MTHFD1L: variants seen among roughly 807,000 people sequenced by gnomAD.
MTHFD1L encodes monofunctional C1-tetrahydrofolate synthase, mitochondrial.
MTHFD1L carries 81 observed loss-of-function variants against 119.5 expected under a neutral mutation model. The observed-to-expected ratio is 0.68, with a 90% CI of 0.57 to 0.82. The LOEUF (loss-of-function observed/expected upper bound fraction) is 0.82. Ranked by LOEUF, MTHFD1L falls within the 40% of genes least tolerant of loss-of-function variation. The pLI, the probability that MTHFD1L is intolerant of heterozygous loss-of-function variation, is 0.00. For synonymous variants in MTHFD1L, 430 were observed against 475.2 expected (o/e 0.90, Z 1.24); for missense variants, 1,125 against 1,253.4 (o/e 0.90, Z 1.55).
At chr6:151,002,670 G>A (rs950044219) in intron 20 of MTHFD1L, among the ~76,000 whole-genome samples, 2 of 152,314 alleles carry the variant, frequency 1.3e-5, no homozygotes, top group Non-Finnish European at 2.9e-5. Context: ...CACGCTGGAC[G>A]GAATTTTTAC....
chr6:150,878,395 G>A (rs749686598), intron 4 of MTHFD1L, among the ~76,000 whole-genome samples: 1 of 152,130 alleles, frequency 6.6e-6, no homozygotes, highest in Non-Finnish European at 1.5e-5. Flanking sequence ...GAGATTACAG[G>A]TGCGTGCCAC....
intron 24 of MTHFD1L, among the ~76,000 whole-genome samples, chr6:151,031,439 G>A (rs1036775646): frequency 1.3e-5 from 2 of 152,198 alleles, no homozygotes; most frequent in Non-Finnish European, 2.9e-5. Flanking sequence ...GAAGCTGCAG[G>A]TAGGAGCGCC....
intron 24 of MTHFD1L, among the ~76,000 whole-genome samples, chr6:151,023,743 A>G (rs1298712163): frequency 6.6e-6 from 1 of 152,222 alleles, no homozygotes; most frequent in African/African-American, 2.4e-5. Flanking sequence ...GATTGTCACT[A>G]TGATGTAAGT....
chr6:151,058,799 A>G (rs1478635338), intron 26 of MTHFD1L, among the ~76,000 whole-genome samples: 1 of 152,150 alleles, frequency 6.6e-6, no homozygotes, highest in Non-Finnish European at 1.5e-5. Context: ...ATTTAATAGC[A>G]TCTCATCAGT....
At chr6:151,008,224 T>C (rs541013256) in intron 20 of MTHFD1L, among the ~76,000 whole-genome samples, 2 of 152,362 alleles carry the variant, frequency 1.3e-5, no homozygotes, top group East Asian at 1.9e-4. Flanking sequence ...CTGCCACTTA[T>C]AATTGTAAAT....
intron 15 of MTHFD1L, among the ~76,000 whole-genome samples, chr6:150,948,323 T>C (rs1390544033): frequency 2.0e-5 from 3 of 151,416 alleles, no homozygotes; most frequent in African/African-American, 7.3e-5. Flanking sequence ...TGATTTTTGT[T>C]TTTTGGTTTT....
At chr6:151,056,552 T>C (rs1789962461) in intron 26 of MTHFD1L, among the ~76,000 whole-genome samples, 1 of 152,228 alleles carries the variant, frequency 6.6e-6, no homozygotes, top group South Asian at 2.1e-4. Flanking sequence ...CTGAACCTCT[T>C]AGAGCTGTGC....
chr6:151,083,437 C>T (rs372197954), intron 26 of MTHFD1L, among the ~76,000 whole-genome samples: 1 of 152,220 alleles, frequency 6.6e-6, no homozygotes, highest in Admixed American at 6.5e-5. Flanking sequence ...ACCTCGTGAT[C>T]TGCCCACCTC....
In MTHFD1L at chr6:150,940,523, T is replaced by G. The variant is rs115026793; in HGVS notation, c.1440+1778T>G. Among the ~76,000 whole-genome samples the G allele has an allele frequency of 8.1e-3, 1,235 of 152,260 alleles. 13 individuals are homozygous for G. Among genetic ancestry groups the G allele is most frequent in the African/African-American group, 0.028 (1,166 of 41,540 alleles). On this transcript the variant is annotated intron_variant, in intron 13 of 27. Transcript: ENST00000367321. Reference sequence around the variant, plus strand: ...AGCCAGCAAATTGGAAGGACATTGGTGTCCCGCTGGTTTAGGGCATCAGCT... The same window carrying G: ...AGCCAGCAAATTGGAAGGACATTGGGGTCCCGCTGGTTTAGGGCATCAGCT...
At chr6:151,077,470 C>T (rs1331584397) in intron 26 of MTHFD1L, among the ~76,000 whole-genome samples, 1 of 151,888 alleles carries the variant, frequency 6.6e-6, no homozygotes, top group Non-Finnish European at 1.5e-5. Context: ...TGATGAAACC[C>T]CATCTCTATT....
At chr6:150,872,278 C>T (rs1779678181) in intron 1 of MTHFD1L, among the ~76,000 whole-genome samples, 2 of 152,180 alleles carry the variant, frequency 1.3e-5, no homozygotes. Flanking sequence ...AACTGTTTGG[C>T]TCAAGAGGCC....
intron 20 of MTHFD1L, among the ~76,000 whole-genome samples, chr6:150,998,067 G>A (rs1032159927): frequency 6.6e-6 from 1 of 152,196 alleles, no homozygotes; most frequent in Non-Finnish European, 1.5e-5. Flanking sequence ...CACCATGTGT[G>A]TGCAAAAACT....
At chr6:150,990,263 G>A (rs572169653) in intron 20 of MTHFD1L, among the ~76,000 whole-genome samples, 2 of 150,292 alleles carry the variant, frequency 1.3e-5, no homozygotes, top group Non-Finnish European at 3.0e-5. Flanking sequence ...CGGCGACGGA[G>A]TGAGATTCTG....
At chr6:150,866,629 G>C in intron 1 of MTHFD1L, 1 of 1,210,388 alleles carries the variant, frequency 8.3e-7, no homozygotes, top group East Asian at 3.4e-5. Flanking sequence ...TTCCCGGAAC[G>C]GCAAAGGTGG....
intron 20 of MTHFD1L, among the ~76,000 whole-genome samples, chr6:150,977,217 A>T (rs564666937): frequency 2.6e-5 from 4 of 152,346 alleles, no homozygotes; most frequent in African/African-American, 9.6e-5. Flanking sequence ...TCTCTTAGAT[A>T]GAACTGTCTC....
At chr6:151,049,273 C>T (rs1400921827) in intron 26 of MTHFD1L, among the ~76,000 whole-genome samples, 1 of 152,154 alleles carries the variant, frequency 6.6e-6, no homozygotes, top group African/African-American at 2.4e-5. Context: ...AGGCAGATCA[C>T]GAGGTCAGGA....
intron 6 of MTHFD1L, among the ~76,000 whole-genome samples, chr6:150,886,235 C>G (rs1174700057): frequency 6.6e-6 from 1 of 152,098 alleles, no homozygotes; most frequent in African/African-American, 2.4e-5. Flanking sequence ...GAGTTCGAGA[C>G]CAGCCTGGGC....
chr6:151,019,258 A>G (rs1330054627), intron 24 of MTHFD1L, among the ~76,000 whole-genome samples: 1 of 100,318 alleles, frequency 1.0e-5, no homozygotes, highest in East Asian at 1.9e-4. Flanking sequence ...CCGTCTGATC[A>G]TGAACCACCC....
intron 24 of MTHFD1L, among the ~76,000 whole-genome samples, chr6:151,027,531 A>G (rs1562560996): frequency 1.3e-5 from 2 of 152,212 alleles, no homozygotes; most frequent in Non-Finnish European, 2.9e-5. Context: ...ATAAACAGTC[A>G]TAAATTGGCC....
Sources: gnomAD v4.1 joint callset for allele counts (sites outside exome capture counted in the v4.1 genomes callset) on GRCh38, gnomAD v4.1.1 for gene constraint, MANE v1.5 for transcripts, NCBI Gene and HGNC (gene_info 2026-07-23, HGNC 2026-07-21) for gene names.